Variants in NHS observed in about 807,000 individuals in gnomAD.
NHS encodes the protein NHS actin remodeling regulator.
In NHS, 5 loss-of-function variants were observed where a neutral mutation model predicts 72.5. The ratio of observed to expected loss-of-function variants is 0.07; its 90% confidence interval spans 0.04 to 0.14. The LOEUF is 0.14. Ranked by LOEUF, NHS falls within the 10% of genes least tolerant of loss-of-function variation. NHS has a pLI of 1.00. For synonymous variants in NHS, 464 were observed against 547.7 expected (o/e 0.85, Z 2.13); for missense variants, 1,072 against 1,355.7 (o/e 0.79, Z 3.29).
chrX:17,583,380 C>T (rs1018965190), intron 1 of NHS, among the ~76,000 whole-genome samples: 3 of 111,867 alleles, frequency 2.7e-5, no homozygotes, highest in African/African-American at 9.8e-5. Flanking sequence ...GATGGATCCT[C>T]TGAGGATGAT....
Position 17,375,247 on chromosome X carries a change from C to G in NHS, c.-511C>G, listed in dbSNP as rs1333798580. Among the ~76,000 whole-genome samples the G allele has an allele frequency of 2.7e-5, 3 of 112,187 alleles. No homozygotes were observed. Among genetic ancestry groups the G allele is most frequent in the Non-Finnish European group, 5.7e-5 (3 of 53,038 alleles). On this transcript the variant is annotated 5_prime_UTR_variant, in exon 1 of 9. In the 5' UTR this introduces an upstream ATG that the reference lacks. Transcript: ENST00000676302. ...TCCCCGCCCAGCCAGGGAGAGAGAT[C>G]CCGGGCGCAATCGCTCCCCGGAGCG...
intron 1 of NHS, among the ~76,000 whole-genome samples, chrX:17,679,422 A>C (rs755915078): frequency 8.9e-6 from 1 of 111,771 alleles, no homozygotes; most frequent in East Asian, 2.8e-4. Flanking sequence ...TCAAGAATTT[A>C]CATGGGACAA....
chrX:17,607,023 C>A (rs1224825008), intron 1 of NHS, among the ~76,000 whole-genome samples: 1 of 112,032 alleles, frequency 8.9e-6, no homozygotes, highest in African/African-American at 3.3e-5. Context: ...TTGTCCAGGG[C>A]CACATAGCTT....
At chrX:17,477,346 G>A (rs777839495) in intron 1 of NHS, among the ~76,000 whole-genome samples, 53 of 111,719 alleles carry the variant, frequency 4.7e-4, no homozygotes, top group Non-Finnish European at 3.0e-4. Flanking sequence ...CTGAGGCTGG[G>A]GTGTGTGCCT....
At chrX:17,602,821 G>A (rs886443760) in intron 1 of NHS, among the ~76,000 whole-genome samples, 1 of 105,979 alleles carries the variant, frequency 9.4e-6, no homozygotes, top group Non-Finnish European at 1.9e-5. Flanking sequence ...GATATTTATG[G>A]GGCACAACTA....
At chrX:17,668,222 C>G (rs1430429234) in intron 1 of NHS, among the ~76,000 whole-genome samples, 1 of 110,981 alleles carries the variant, frequency 9.0e-6, no homozygotes, top group Non-Finnish European at 1.9e-5. Context: ...GATCACGTCA[C>G]TGCACTCTAG....
chrX:17,687,569 G>A (rs999015963), intron 1 of NHS, 173 bp from the exon 2 acceptor site: 142 of 603,811 alleles, frequency 2.4e-4, no homozygotes, highest in Middle Eastern at 1.2e-3. Context: ...GTCCCTATCA[G>A]TATCATAAAT....
chrX:17,688,725 T>C (rs2066178620), intron 2 of NHS, among the ~76,000 whole-genome samples: 2 of 111,903 alleles, frequency 1.8e-5, no homozygotes, highest in Non-Finnish European at 1.9e-5. Flanking sequence ...CTGTGTCTCA[T>C]GGAAATAGGT....
intron 1 of NHS, among the ~76,000 whole-genome samples, chrX:17,461,860 T>A (rs768091558): frequency 8.9e-6 from 1 of 112,200 alleles, no homozygotes; most frequent in Non-Finnish European, 1.9e-5. Context: ...CTCTTCCATG[T>A]GGTCTCTTAT....
chrX:17,591,164 A>G (rs1411635355), intron 1 of NHS, among the ~76,000 whole-genome samples: 1 of 111,909 alleles, frequency 8.9e-6, no homozygotes, highest in Non-Finnish European at 1.9e-5. Flanking sequence ...CAAGTCCCAC[A>G]TTGTAAAAGG....
intron 1 of NHS, among the ~76,000 whole-genome samples, chrX:17,378,983 G>T (rs1322086021): frequency 8.9e-6 from 1 of 111,756 alleles, no homozygotes; most frequent in East Asian, 2.8e-4. Context: ...AGCGGCATCA[G>T]CTGCATTATG....
chrX:17,598,097 C>G, intron 1 of NHS, among the ~76,000 whole-genome samples: 1 of 111,695 alleles, frequency 9.0e-6, no homozygotes, highest in Non-Finnish European at 1.9e-5. Flanking sequence ...AGGGCCTGCC[C>G]TACCCAGCAG....
At chrX:17,417,635 C>A (rs1165390364) in intron 1 of NHS, among the ~76,000 whole-genome samples, 1 of 111,870 alleles carries the variant, frequency 8.9e-6, no homozygotes, top group Non-Finnish European at 1.9e-5. Flanking sequence ...AACTTATGGC[C>A]TTCAGGGTCC....
At chrX:17,383,497 G>T (rs2064389503) in intron 1 of NHS, among the ~76,000 whole-genome samples, 1 of 112,175 alleles carries the variant, frequency 8.9e-6, no homozygotes, top group African/African-American at 3.2e-5. Context: ...GGCTGTACAG[G>T]AGCCATGGCC....
At chrX:17,441,796 G>A (rs970805341) in intron 1 of NHS, among the ~76,000 whole-genome samples, 3 of 112,002 alleles carry the variant, frequency 2.7e-5, no homozygotes, top group Non-Finnish European at 5.6e-5. Flanking sequence ...GTGACCATAT[G>A]TAGTTAAGGG....
chrX:17,665,697 TCTC>T (rs2066009079), intron 1 of NHS, among the ~76,000 whole-genome samples: 1 of 111,726 alleles, frequency 9.0e-6, no homozygotes, highest in Admixed American at 9.5e-5. Context: ...GGAAGTGTTC[TCTC>T]CTCCTCTATT....
intron 2 of NHS, 132 bp downstream of exon 2, chrX:17,688,026 C>T: frequency 1.4e-6 from 1 of 723,321 alleles, no homozygotes; most frequent in Non-Finnish European, 2.0e-6. Flanking sequence ...CCCGTTTCTA[C>T]CCTGAAATGA....
chrX:17,691,374 C>T (rs1010793636), intron 2 of NHS, among the ~76,000 whole-genome samples: 4 of 112,166 alleles, frequency 3.6e-5, no homozygotes, highest in African/African-American at 9.7e-5. Flanking sequence ...AAACAGCCTT[C>T]GGATAAACAT....
At chrX:17,684,388 TC>T (rs1339983292) in intron 1 of NHS, among the ~76,000 whole-genome samples, 1 of 111,785 alleles carries the variant, frequency 8.9e-6, no homozygotes, top group African/African-American at 3.3e-5. Flanking sequence ...GTTGACTGGG[TC>T]CTCTGCTCAG....
Sources: gnomAD v4.1 joint callset for allele counts (sites outside exome capture counted in the v4.1 genomes callset) on GRCh38, gnomAD v4.1.1 for gene constraint, MANE v1.5 for transcripts, NCBI Gene and HGNC (gene_info 2026-07-23, HGNC 2026-07-21) for gene names.